The following GNAS-AS1 variants were observed in gnomAD, a reference collection of about 807,000 sequenced individuals.
The protein encoded by GNAS-AS1 is GNAS antisense RNA 1.
intron 4 of GNAS-AS1, among the ~76,000 whole-genome samples, chr20:58,820,383 T>C (rs947819128): frequency 2.0e-5 from 3 of 152,156 alleles, no homozygotes; most frequent in African/African-American, 7.2e-5. Flanking sequence ...ACCGGAGCCA[T>C]ACCTGGCACC....
In GNAS-AS1 at chr20:58,840,886, G is replaced by C. The variant is rs1383228484; in HGVS notation, n.819+1051C>G. ...GATTCTCCTTGTTTTCATGGATTCA[G>C]GTTAGTTGCCCACCGCTAAACTGGG... On this transcript the variant is annotated intron_variant and non_coding_transcript_variant, in intron 4 of 4. Coordinates refer to ENST00000424094, the Ensembl canonical transcript of GNAS-AS1. The surrounding 1 kb of genome is among the most constrained non-coding windows in gnomAD (Gnocchi z 6.0). 6.2e-7 allele frequency: 1 copy of C among 1,612,480 alleles called. No homozygotes were observed. Among genetic ancestry groups the C allele is most frequent in the Non-Finnish European group, 8.5e-7 (1 of 1,179,906 alleles).
intron 2 of GNAS-AS1, among the ~76,000 whole-genome samples, chr20:58,846,572 G>A (rs4810147): frequency 0.39 from 58,985 of 152,128 alleles, 14,452 homozygotes; most frequent in East Asian, 0.81. Context: ...AAAGCTTTGG[G>A]TTTTGGTTCA....
At chr20:58,837,209 A>G (rs2085609491) in intron 4 of GNAS-AS1, among the ~76,000 whole-genome samples, 1 of 152,202 alleles carries the variant, frequency 6.6e-6, no homozygotes, top group Non-Finnish European at 1.5e-5. Context: ...TGAATAATAT[A>G]TTTCTGTTCC....
At chr20:58,850,165 C>G (rs2086100733) in intron 1 of GNAS-AS1, among the ~76,000 whole-genome samples, 1 of 152,172 alleles carries the variant, frequency 6.6e-6, no homozygotes, top group Non-Finnish European at 1.5e-5. Flanking sequence ...AGGCGTCTAT[C>G]CTTCCTTGGA....
At chr20:58,839,994 C>A in intron 4 of GNAS-AS1, 1 of 1,208,116 alleles carries the variant, frequency 8.3e-7, no homozygotes, top group Non-Finnish European at 1.2e-6. Context: ...ACCTCCGGGC[C>A]AGCTTCTCAC....
intron 1 of GNAS-AS1, chr20:58,850,522 C>A: frequency 5.0e-6 from 2 of 398,754 alleles, no homozygotes; most frequent in South Asian, 1.3e-4. Flanking sequence ...ACCCCAATGT[C>A]TACTGACCTT....
intron 4 of GNAS-AS1, among the ~76,000 whole-genome samples, chr20:58,838,378 G>A (rs1463633569): frequency 2.0e-5 from 3 of 152,130 alleles, no homozygotes; most frequent in African/African-American, 7.2e-5. Context: ...AGTGGTGTCT[G>A]ACCGCCCCCT....
intron 4 of GNAS-AS1, chr20:58,833,819 T>A (rs1426383271): frequency 1.3e-5 from 2 of 152,192 alleles, no homozygotes; most frequent in African/African-American, 4.8e-5. Context: ...TACCTTAGAA[T>A]TCTCTTTAAC....
rs746049514 is a variant in GNAS-AS1, at chr20:58,840,624, C to CCTCCCCAAGT, written n.819+1303_819+1312dup. The CCTCCCCAAGT allele has an allele frequency of 1.2e-6, 2 of 1,607,698 alleles. No individual in the cohort carries two copies. Among genetic ancestry groups the CCTCCCCAAGT allele is most frequent in the African/African-American group, 2.7e-5 (2 of 74,836 alleles). On this transcript the variant is annotated intron_variant and non_coding_transcript_variant, in intron 4 of 4. Coordinates refer to ENST00000424094, the Ensembl canonical transcript of GNAS-AS1. This position sits in a 1 kb window ranked among gnomAD's most constrained non-coding sequence, Gnocchi z 6.0. ...GCTCTCAAGTTGCGAAGCCCCGACG[C>CCTCCCCAAGT]CTCCCCAAGTCGCGCGCCGCCCAGC...
intron 4 of GNAS-AS1, among the ~76,000 whole-genome samples, chr20:58,830,912 T>C (rs2085565009): frequency 6.6e-6 from 1 of 152,090 alleles, no homozygotes; most frequent in Non-Finnish European, 1.5e-5. Flanking sequence ...ACCTAAATAC[T>C]GTCAGAGAAA....
chr20:58,840,233 C>G lies in GNAS-AS1; in HGVS notation n.819+1704G>C, dbSNP rs1273364707. 3 of 1,611,036 alleles carry G rather than the reference C, an allele frequency of 1.9e-6. No individual in the cohort carries two copies. Among genetic ancestry groups the G allele is most frequent in the South Asian group, 2.2e-5 (2 of 91,046 alleles). Reference sequence around the variant, plus strand: ...GCTCTCCTGCTCCATCGCGCTCCTCCGCGCCCTTGCCACCTCCAACGCCCG... The same window carrying G: ...GCTCTCCTGCTCCATCGCGCTCCTCGGCGCCCTTGCCACCTCCAACGCCCG... On this transcript the variant is annotated intron_variant and non_coding_transcript_variant, in intron 4 of 4. Coordinates refer to ENST00000424094, the Ensembl canonical transcript of GNAS-AS1. This position sits in a 1 kb window ranked among gnomAD's most constrained non-coding sequence, Gnocchi z 6.0.
chr20:58,826,015 T>C (rs2085517400), intron 4 of GNAS-AS1: 6 of 398,480 alleles, frequency 1.5e-5, no homozygotes, highest in Non-Finnish European at 2.7e-5. Context: ...GAGCTTGCTC[T>C]TTTGCTTACC....
At chr20:58,822,277 C>T (rs2031014256) in intron 4 of GNAS-AS1, among the ~76,000 whole-genome samples, 1 of 152,204 alleles carries the variant, frequency 6.6e-6, no homozygotes, top group Non-Finnish European at 1.5e-5. Flanking sequence ...AATAATAGCT[C>T]CACTTTACTG....
chr20:58,829,437 G>C (rs1167413310), intron 4 of GNAS-AS1, among the ~76,000 whole-genome samples: 1 of 152,182 alleles, frequency 6.6e-6, no homozygotes, highest in Non-Finnish European at 1.5e-5. Context: ...GGCTTCCCAT[G>C]GTTTATGGCT....
rs781147491 is a variant in GNAS-AS1, at chr20:58,841,936, C to A, written n.819+1G>T. The stretch of plus-strand genomic sequence containing the variant: ...TCGCGTCTAACATCAGGATAACTTA[C>A]AATTCGTTTCCAAAGAGCGCGGTAC... On this transcript the variant is annotated splice_donor_variant and non_coding_transcript_variant, in intron 4 of 4. Coordinates refer to ENST00000424094, the Ensembl canonical transcript of GNAS-AS1. This position sits in a 1 kb window ranked among gnomAD's most constrained non-coding sequence, Gnocchi z 5.0. The A allele has an allele frequency of 8.4e-7, 1 of 1,194,808 alleles. No individual in the cohort carries two copies. Among genetic ancestry groups the A allele is most frequent in the Non-Finnish European group, 1.0e-6 (1 of 954,180 alleles). 74.0% of individuals were successfully genotyped at this position (1,194,808 alleles called of 1,614,324 possible).
chr20:58,832,108 A>G (rs1463252793), intron 4 of GNAS-AS1, among the ~76,000 whole-genome samples: 1 of 152,218 alleles, frequency 6.6e-6, no homozygotes, highest in Non-Finnish European at 1.5e-5. Context: ...GTGGCAGAAG[A>G]TGAGAAAAAC....
chr20:58,840,244 C>A lies in GNAS-AS1; in HGVS notation n.819+1693G>T, dbSNP rs146532795. ...CCATCGCGCTCCTCCGCGCCCTTGC[C>A]ACCTCCAACGCCCGTGCCCAGCAGC... On this transcript the variant is annotated intron_variant and non_coding_transcript_variant, in intron 4 of 4. Coordinates refer to ENST00000424094, the Ensembl canonical transcript of GNAS-AS1. The surrounding 1 kb of genome is among the most constrained non-coding windows in gnomAD (Gnocchi z 6.0). 91 of 1,611,156 alleles carry A rather than the reference C, an allele frequency of 5.6e-5. 1 individual carries two copies. The African/African-American group carries it at 6.8e-4, about 12-fold the overall frequency.
intron 4 of GNAS-AS1, among the ~76,000 whole-genome samples, chr20:58,832,821 G>A (rs2085576033): frequency 6.6e-6 from 1 of 152,246 alleles, no homozygotes; most frequent in Admixed American, 6.5e-5. Flanking sequence ...TTTCCTGACA[G>A]CATAAAACAA....
At chr20:58,842,776 C>G (rs2085788700) in intron 2 of GNAS-AS1, among the ~76,000 whole-genome samples, 1 of 152,158 alleles carries the variant, frequency 6.6e-6, no homozygotes, top group Admixed American at 6.5e-5. Flanking sequence ...AGCAAAATGT[C>G]TCTAGGGACA....
Sources: gnomAD v4.1 joint callset for allele counts (sites outside exome capture counted in the v4.1 genomes callset) on GRCh38, gnomAD v4.1.1 for gene constraint, Gnocchi (gnomAD v3.1) non-coding constraint, MANE v1.5 for transcripts, NCBI Gene and HGNC (gene_info 2026-07-23, HGNC 2026-07-21) for gene names.